WDFY4: variants seen among roughly 807,000 people sequenced by gnomAD.
WDFY4 encodes WD repeat- and FYVE domain-containing protein 4.
A neutral mutation model predicts 351.9 loss-of-function variants in WDFY4; 169 were observed. The ratio of observed to expected loss-of-function variants is 0.48; its 90% CI spans 0.42 to 0.55. The LOEUF (loss-of-function observed/expected upper bound fraction) is 0.55, where lower values mean the gene tolerates loss of function less well. Among genes scored for constraint, WDFY4 ranks in the 20% least tolerant of loss-of-function variants. The pLI, the probability that WDFY4 is intolerant of heterozygous loss-of-function variation, is 0.00. For missense variants in WDFY4, 3,803 were observed against 3,935.6 expected (o/e 0.97, Z 0.90); for synonymous variants, 1,622 against 1,574.6 (o/e 1.03, Z -0.71).
chr10:48,700,955 T>C (rs1329700230), intron 1 of WDFY4, among the ~76,000 whole-genome samples: 2 of 152,248 alleles, frequency 1.3e-5, no homozygotes, highest in East Asian at 3.8e-4. Context: ...ATCGTAACCA[T>C]TTTTAAATGT....
At chr10:48,957,611 G>C (rs117293470) in intron 52 of WDFY4, among the ~76,000 whole-genome samples, 5 of 152,170 alleles carry the variant, frequency 3.3e-5, no homozygotes, top group African/African-American at 1.2e-4. Context: ...TTTCTGCCTC[G>C]AGACCTTGGG....
At chr10:48,867,937 C>T (rs2069612015) in intron 40 of WDFY4, among the ~76,000 whole-genome samples, 1 of 152,132 alleles carries the variant, frequency 6.6e-6, no homozygotes, top group South Asian at 2.1e-4. Context: ...TTATGATACT[C>T]CTGTGTCTTG....
At chr10:48,698,250 C>T (rs578057526) in intron 1 of WDFY4, among the ~76,000 whole-genome samples, 69 of 152,278 alleles carry the variant, frequency 4.5e-4, no homozygotes, top group African/African-American at 1.6e-3. Context: ...TGCCTGCCCA[C>T]GATGTCTGTC....
chr10:48,896,169 T>C (rs1465198256), intron 44 of WDFY4, among the ~76,000 whole-genome samples: 3 of 152,224 alleles, frequency 2.0e-5, no homozygotes, highest in Non-Finnish European at 4.4e-5. Context: ...AGCTCAGGCC[T>C]GTGCCTTTGT....
chr10:48,766,827 TCA>T (rs2065687872), intron 13 of WDFY4, among the ~76,000 whole-genome samples: 1 of 152,200 alleles, frequency 6.6e-6, no homozygotes, highest in South Asian at 2.1e-4. Context: ...TTGGCCTGGA[TCA>T]CAGAGATCAC....
At chr10:48,918,655 A>G (rs953862968) in intron 47 of WDFY4, among the ~76,000 whole-genome samples, 3 of 152,260 alleles carry the variant, frequency 2.0e-5, no homozygotes, top group Admixed American at 2.0e-4. Context: ...CTCAGCAGTC[A>G]ATAGAACAGG....
intron 9 of WDFY4, 91 bp from the exon 10 acceptor site, chr10:48,733,840 C>A: frequency 1.8e-6 from 2 of 1,130,748 alleles, no homozygotes; most frequent in Non-Finnish European, 2.6e-6. Flanking sequence ...ATATTCACAT[C>A]TCCTTAAGAG....
Position 48,759,459 on chromosome 10 carries a change from G to A in WDFY4, c.2460-888G>A, listed in dbSNP as rs143443472. Among the ~76,000 whole-genome samples, 525 of 152,232 alleles carry A rather than the reference G, an allele frequency of 3.4e-3. 2 individuals are homozygous for A. The highest frequency in any genetic ancestry group is 4.7e-3 in the Non-Finnish European group (318 of 68,026). ...GGGAGAAAAGGAGAAAAGAGCAATG[G>A]GAATTTTACCTACACTCTTGGGACT... On this transcript the variant is annotated intron_variant, in intron 12 of 61. Coordinates refer to ENST00000325239, the MANE Select transcript of WDFY4 (RefSeq NM_001394531.1).
chr10:48,938,349 G>A lies in WDFY4; in HGVS notation c.7587-3457G>A, dbSNP rs144925567. Among the ~76,000 whole-genome samples the A allele has an allele frequency of 1.1e-4, 16 of 152,372 alleles. No homozygotes were observed. In the East Asian group the frequency reaches 3.1e-3, roughly 29 times the overall value. ...CTAGTGCCAGGTGAAGAAGAGGATA[G>A]GCAGAGACCCCAGACTCCTTCCAGG... is the stretch of plus-strand genomic sequence containing the variant. On this transcript the variant is annotated intron_variant, in intron 47 of 61. Transcript: ENST00000325239.
chr10:48,702,402 G>A lies in WDFY4; in HGVS notation c.-17-7314G>A, dbSNP rs190726132. 2.1e-3 allele frequency among the ~76,000 whole-genome samples: 321 copies of A among 152,080 alleles called. 7 individuals carry two copies. Among genetic ancestry groups the A allele is most frequent in the Non-Finnish European group, 2.4e-3 (164 of 67,992 alleles). On this transcript the variant is annotated intron_variant, in intron 1 of 61. Coordinates refer to ENST00000325239, the MANE Select transcript of WDFY4 (RefSeq NM_001394531.1). ...CTTCGTAGTCATCCCCTTATCCCCC[G>A]TCCCTGGCAACCACTGATCTTATTT...
intron 39 of WDFY4, among the ~76,000 whole-genome samples, chr10:48,858,916 A>G (rs959468540): frequency 6.6e-6 from 1 of 152,102 alleles, no homozygotes; most frequent in Non-Finnish European, 1.5e-5. Context: ...TGCATCCTAT[A>G]TGTGTTTTAT....
intron 44 of WDFY4, among the ~76,000 whole-genome samples, chr10:48,894,751 C>A (rs564645178): frequency 6.6e-6 from 1 of 152,142 alleles, no homozygotes. Context: ...GTGGTTCCCA[C>A]AAGCATGGGA....
intron 13 of WDFY4, among the ~76,000 whole-genome samples, chr10:48,768,723 A>AAGTGAGAGAG (rs368416557): frequency 2.8e-5 from 4 of 140,978 alleles, no homozygotes; most frequent in African/African-American, 5.3e-5. Context: ...GGGAGAGGAG[A>AAGTGAGAGAG]AGAGAGAGAG....
chr10:48,735,834 A>G, intron 10 of WDFY4, 46 bp from the exon 11 acceptor site: 3 of 1,480,042 alleles, frequency 2.0e-6, no homozygotes, highest in Non-Finnish European at 1.8e-6. Flanking sequence ...CTGAAGTGGC[A>G]AGCTTCCCCC....
chr10:48,840,493 T>A (rs934452479), intron 39 of WDFY4, among the ~76,000 whole-genome samples: 38 of 150,914 alleles, frequency 2.5e-4, no homozygotes, highest in Middle Eastern at 3.4e-3. Flanking sequence ...TTTCTCTCTC[T>A]CTCACACACA....
chr10:48,982,827 C>T lies in WDFY4; in HGVS notation c.*252C>T, dbSNP rs1842862491. Reference sequence around the variant, plus strand: ...CTGGAAACTGTGACTTGGTGATGCCCAGCTGCACACGAAATTACACATGAC... The same window carrying T: ...CTGGAAACTGTGACTTGGTGATGCCTAGCTGCACACGAAATTACACATGAC... On this transcript the variant is annotated 3_prime_UTR_variant, in exon 62 of 62. Transcript: ENST00000325239. 1 of 557,888 alleles carries T rather than the reference C, an allele frequency of 1.8e-6. No individual in the cohort carries two copies. 34.6% of individuals were successfully genotyped at this position (557,888 alleles called of 1,614,324 possible). A position where few individuals can be genotyped will look rare whatever the true frequency, so the allele number is the denominator to read the frequency against.
intron 24 of WDFY4, 119 bp from the exon 25 acceptor site, chr10:48,803,166 CA>C: frequency 4.3e-6 from 4 of 923,302 alleles, no homozygotes; most frequent in Non-Finnish European, 3.3e-6. Flanking sequence ...AGAGCTGGTA[CA>C]TCATGTTGAT....
intron 23 of WDFY4, among the ~76,000 whole-genome samples, chr10:48,793,249 G>T (rs1405142664): frequency 6.6e-6 from 1 of 152,196 alleles, no homozygotes; most frequent in Non-Finnish European, 1.5e-5. Flanking sequence ...AATACTGTTA[G>T]CATGAGGGAG....
At chr10:48,782,926 G>C (rs1035039122) in intron 19 of WDFY4, among the ~76,000 whole-genome samples, 6 of 152,158 alleles carry the variant, frequency 3.9e-5, no homozygotes, top group African/African-American at 1.4e-4. Context: ...TGGGTTGGAG[G>C]GGTGAGTGGT....
Sources: allele counts gnomAD v4.1 joint callset (sites outside exome capture counted in the v4.1 genomes callset), GRCh38; gene constraint gnomAD v4.1.1; transcripts MANE v1.5; gene names NCBI Gene and HGNC (gene_info 2026-07-23, HGNC 2026-07-21).